The following KIAA1671 variants were observed in gnomAD, a reference collection of about 807,000 sequenced individuals.
KIAA1671 encodes the protein uncharacterized protein KIAA1671.
Under a neutral mutation model 131.2 loss-of-function variants are expected in KIAA1671, and 52 were observed. The ratio of observed to expected loss-of-function variants is 0.40; its 90% CI spans 0.32 to 0.50. The LOEUF is 0.50. Among genes scored for constraint, KIAA1671 ranks in the 20% least tolerant of loss-of-function variants. KIAA1671 has a pLI of 0.73. For missense variants in KIAA1671, 2,360 were observed against 2,364.2 expected, an observed-to-expected ratio of 1.00 and a Z score of 0.04; for synonymous variants, 1,003 against 961.6, an observed-to-expected ratio of 1.04 and a Z score of -0.80.
intron 6 of KIAA1671, among the ~76,000 whole-genome samples, chr22:25,069,336 C>G (rs1350109797): frequency 1.3e-5 from 2 of 152,164 alleles, no homozygotes; most frequent in Admixed American, 1.3e-4. Context: ...TAAAATCATG[C>G]TCTTTTGAAG....
At chr22:25,179,558 G>A (rs1209179557) in intron 9 of KIAA1671, 16 of 1,566,510 alleles carry the variant, frequency 1.0e-5, no homozygotes, top group Non-Finnish European at 1.3e-5. Flanking sequence ...CTCCTGCGTT[G>A]GGAAGGGAAC....
chr22:25,171,555 C>T (rs929307794), intron 7 of KIAA1671, among the ~76,000 whole-genome samples: 15 of 151,298 alleles, frequency 9.9e-5, no homozygotes, highest in East Asian at 1.9e-4. Context: ...CTACTAAAAA[C>T]GCAAAAAAAA....
intron 1 of KIAA1671, among the ~76,000 whole-genome samples, chr22:24,965,096 G>C (rs1489725857): frequency 1.7e-5 from 2 of 120,992 alleles, no homozygotes; most frequent in Non-Finnish European, 3.2e-5. Context: ...CACATAGTAG[G>C]CTCTTAAAAA....
Position 25,040,514 on chromosome 22 carries a change from T to C in KIAA1671, c.3384T>C (p.Asp1128=). 5 of 1,551,888 alleles carry C rather than the reference T, an allele frequency of 3.2e-6. No individual in the cohort carries two copies. Among genetic ancestry groups the C allele is most frequent in the Non-Finnish European group, 3.5e-6 (4 of 1,147,036 alleles). ...DPFNGRIIDV[D]ALWSHRGSED... is the part of the protein sequence containing the mutation. ...TCAATGGAAGAATCATTGATGTGGA[T>C]GCCTTATGGAGTCATCGGGGATCAG... The change falls in exon 5 of 13, where the codon GAT becomes GAC. Residue 1128 remains aspartate (D), a synonymous_variant. Coordinates refer to ENST00000358431, the MANE Select transcript of KIAA1671 (RefSeq NM_001145206.2).
rs114283587 is a variant in KIAA1671, at chr22:25,030,867, C to T, written c.1541+1327C>T. Among the ~76,000 whole-genome samples the T allele has an allele frequency of 1.1e-3, 171 of 152,302 alleles. 1 individual carries two copies. The highest frequency in any genetic ancestry group is 3.8e-3 in the African/African-American group (159 of 41,568). The stretch of plus-strand genomic sequence containing the variant: ...AAAGGCAGGATCTCTGGGCAGACTG[C>T]CCTCCCGGCCCTGGGAACCAGGACA... On this transcript the variant is annotated intron_variant, in intron 3 of 12. Transcript: ENST00000358431.
Position 25,177,538 on chromosome 22 carries a change from TCTC to T in KIAA1671, c.5074+23_5074+25del. ...GACTCAACGGGTATGCCATGACTTC[TCTC>T]CTCCTCAGATAGCACATTGAACAGC... is the stretch of plus-strand genomic sequence containing the variant. On this transcript the variant is annotated intron_variant, in intron 9 of 12. Transcript: ENST00000358431. 1 of 1,542,246 alleles carries T rather than the reference TCTC, an allele frequency of 6.5e-7. No individual in the cohort carries two copies. The highest frequency in any genetic ancestry group is 8.8e-7 in the Non-Finnish European group (1 of 1,139,478).
chr22:25,066,724 C>T (rs989163696), intron 6 of KIAA1671, among the ~76,000 whole-genome samples: 11 of 151,876 alleles, frequency 7.2e-5, no homozygotes, highest in Non-Finnish European at 7.4e-5. Flanking sequence ...GGTCTCCATT[C>T]AACCCACTTA....
intron 6 of KIAA1671, among the ~76,000 whole-genome samples, chr22:25,127,912 C>G (rs1013237756): frequency 3.3e-5 from 5 of 152,292 alleles, no homozygotes; most frequent in African/African-American, 1.2e-4. Context: ...GGTGAAGCGG[C>G]TGCTGTGGTT....
Position 25,038,973 on chromosome 22 carries a change from T to C in KIAA1671, c.1843T>C (p.Phe615Leu). Residue 615 changes from phenylalanine (F) to leucine (L), a missense_variant, in exon 5 of 13, where the codon TTT (phenylalanine) becomes CTT (leucine). Coordinates refer to ENST00000358431, the MANE Select transcript of KIAA1671 (RefSeq NM_001145206.2). ...CTTCCAGACTGTGTGGGCCACAGTA[T>C]TTGAGCACCACGTGGAGAGACACAC... ...RSFQTVWATV[F>L]EHHVERHTVA... 1 of 1,551,762 alleles carries C rather than the reference T, an allele frequency of 6.4e-7. No homozygotes were observed. The highest frequency in any genetic ancestry group is 8.7e-7 in the Non-Finnish European group (1 of 1,147,028).
At chr22:25,081,749 A>T (rs781222362) in intron 6 of KIAA1671, among the ~76,000 whole-genome samples, 24 of 152,100 alleles carry the variant, frequency 1.6e-4, no homozygotes, top group Non-Finnish European at 3.1e-4. Context: ...GCAAAACCTG[A>T]CTTGTCCAAA....
intron 4 of KIAA1671, among the ~76,000 whole-genome samples, chr22:25,033,037 C>T (rs1926378640): frequency 6.6e-6 from 1 of 151,958 alleles, no homozygotes; most frequent in African/African-American, 2.4e-5. Context: ...CTTCAAGGTC[C>T]TTCATAGTGG....
At chr22:24,985,000 A>G (rs373927949) in intron 1 of KIAA1671, among the ~76,000 whole-genome samples, 5 of 151,456 alleles carry the variant, frequency 3.3e-5, no homozygotes, top group Admixed American at 2.0e-4. Context: ...GGGTTGTTAT[A>G]GTATCCTAGG....
intron 6 of KIAA1671, among the ~76,000 whole-genome samples, chr22:25,104,389 C>A (rs982601327): frequency 6.6e-6 from 1 of 152,126 alleles, no homozygotes; most frequent in African/African-American, 2.4e-5. Flanking sequence ...ATGAGTGGGA[C>A]CTCCTGCGGG....
intron 6 of KIAA1671, among the ~76,000 whole-genome samples, chr22:25,161,250 T>C (rs1193218281): frequency 2.0e-5 from 3 of 152,232 alleles, no homozygotes; most frequent in East Asian, 3.8e-4. Context: ...AGACTGCATG[T>C]GCTGGGAGGG....
intron 6 of KIAA1671, among the ~76,000 whole-genome samples, chr22:25,114,243 A>G (rs1352762193): frequency 6.6e-6 from 1 of 152,206 alleles, no homozygotes; most frequent in Non-Finnish European, 1.5e-5. Flanking sequence ...TGGCCTTGAC[A>G]GCTTGAATCA....
chr22:25,093,846 C>CTCTG (rs1568951663), intron 6 of KIAA1671, among the ~76,000 whole-genome samples: 1 of 94,570 alleles, frequency 1.1e-5, no homozygotes, highest in Non-Finnish European at 2.4e-5. Flanking sequence ...CTGTCTCTCT[C>CTCTG]TCTCTCTCTC....
intron 1 of KIAA1671, among the ~76,000 whole-genome samples, chr22:24,999,488 A>G (rs1384973361): frequency 2.6e-5 from 4 of 151,086 alleles, no homozygotes; most frequent in African/African-American, 9.8e-5. Context: ...TCAGCCTCCT[A>G]AAGTGCTGGG....
At chr22:25,078,787 T>C (rs1445711348) in intron 6 of KIAA1671, among the ~76,000 whole-genome samples, 3 of 152,154 alleles carry the variant, frequency 2.0e-5, no homozygotes, top group Non-Finnish European at 4.4e-5. Context: ...CTGTTTGAGT[T>C]GGGCCTGAGG....
chr22:24,982,239 A>T (rs1923271082), intron 1 of KIAA1671, among the ~76,000 whole-genome samples: 3 of 152,380 alleles, frequency 2.0e-5, no homozygotes, highest in Admixed American at 2.0e-4. Context: ...TAAGTAGATT[A>T]CTTAAGAAAT....
Sources: gnomAD v4.1 joint callset for allele counts (sites outside exome capture counted in the v4.1 genomes callset) on GRCh38, gnomAD v4.1.1 for gene constraint, MANE v1.5 for transcripts, NCBI Gene and HGNC (gene_info 2026-07-23, HGNC 2026-07-21) for gene names.